The following PSD3 variants were observed in gnomAD, a reference collection of about 807,000 sequenced individuals.
PSD3 encodes pleckstrin and Sec7 domain containing 3, also known as PH and SEC7 domain-containing protein 3.
A neutral mutation model predicts 105.5 loss-of-function variants in PSD3; 49 were observed. That is an observed-to-expected ratio of 0.46 (90% CI 0.37 to 0.59). The LOEUF (loss-of-function observed/expected upper bound fraction) is 0.59. PSD3 is among the 20% of genes least tolerant of loss of function. The probability of loss-of-function intolerance (pLI) is 0.00; values close to 1 mark genes in which losing one functional copy is unlikely to be tolerated. For synonymous variants in PSD3, 557 were observed against 457.8 expected, an observed-to-expected ratio of 1.22 and a Z score of -2.77; for missense variants, 1,561 against 1,263.8, an observed-to-expected ratio of 1.24 and a Z score of -3.57.
At chr8:18,705,534 C>CAAAAAA (rs34331384) in intron 9 of PSD3, among the ~76,000 whole-genome samples, 13 of 88,424 alleles carry the variant, frequency 1.5e-4, no homozygotes, top group African/African-American at 5.1e-4. Flanking sequence ...CTGTCTCAAG[C>CAAAAAA]AAAAAAAAAA....
chr8:18,783,268 A>G (rs187944968), intron 8 of PSD3, among the ~76,000 whole-genome samples: 1 of 152,272 alleles, frequency 6.6e-6, no homozygotes, highest in East Asian at 1.9e-4. Flanking sequence ...GCTGTTGACA[A>G]TATTCACTTA....
At chr8:18,688,900 A>G (rs1263126704) in intron 9 of PSD3, among the ~76,000 whole-genome samples, 1 of 152,252 alleles carries the variant, frequency 6.6e-6, no homozygotes, top group Admixed American at 6.5e-5. Context: ...AAGGTACAAA[A>G]TAACTTTCCA....
At chr8:18,557,059 C>T (rs1342583119) in intron 14 of PSD3, among the ~76,000 whole-genome samples, 1 of 152,178 alleles carries the variant, frequency 6.6e-6, no homozygotes, top group Non-Finnish European at 1.5e-5. Flanking sequence ...AAAGGATTTC[C>T]ATTCTAAGGG....
chr8:18,676,879 C>G (rs1800093338), intron 9 of PSD3, among the ~76,000 whole-genome samples: 1 of 152,242 alleles, frequency 6.6e-6, no homozygotes, highest in South Asian at 2.1e-4. Context: ...GATTTGAAAG[C>G]CTCATCTGGG....
intron 1 of PSD3, among the ~76,000 whole-genome samples, chr8:18,964,009 C>G (rs1394279964): frequency 1.3e-5 from 2 of 152,192 alleles, no homozygotes; most frequent in African/African-American, 4.8e-5. Flanking sequence ...GAAGACAGCG[C>G]ACACATGCAT....
At chr8:18,750,040 G>A (rs1289609768) in intron 9 of PSD3, among the ~76,000 whole-genome samples, 8 of 152,166 alleles carry the variant, frequency 5.3e-5, no homozygotes, top group African/African-American at 9.7e-5. Flanking sequence ...CCCACAGAAC[G>A]ATGAGATAAT....
intron 4 of PSD3, among the ~76,000 whole-genome samples, chr8:18,864,420 G>A (rs1243581697): frequency 1.3e-5 from 2 of 152,136 alleles, no homozygotes; most frequent in African/African-American, 4.8e-5. Flanking sequence ...AAACCTATGG[G>A]CCACATATGA....
chr8:18,943,174 C>T (rs186557116), intron 1 of PSD3, among the ~76,000 whole-genome samples: 1 of 152,304 alleles, frequency 6.6e-6, no homozygotes, highest in Admixed American at 6.5e-5. Flanking sequence ...GTGAAAAAGA[C>T]TCTTGTTCAC....
At chr8:18,543,183 G>A (rs1461373881) in intron 15 of PSD3, among the ~76,000 whole-genome samples, 1 of 151,988 alleles carries the variant, frequency 6.6e-6, no homozygotes, top group Non-Finnish European at 1.5e-5. Context: ...TGACCACCAA[G>A]AGCCAAAGGC....
At chr8:18,963,250 G>A (rs568460924) in intron 1 of PSD3, among the ~76,000 whole-genome samples, 1 of 152,120 alleles carries the variant, frequency 6.6e-6, no homozygotes, top group Admixed American at 6.5e-5. Flanking sequence ...GGAATTATGG[G>A]CATACAATTC....
chr8:18,620,292 C>G (rs1480603254), intron 11 of PSD3, among the ~76,000 whole-genome samples: 1 of 151,164 alleles, frequency 6.6e-6, no homozygotes, highest in African/African-American at 2.4e-5. Flanking sequence ...TAAAACCAAA[C>G]TGTAACCTGA....
intron 1 of PSD3, among the ~76,000 whole-genome samples, chr8:18,988,215 CAT>C (rs1825607109): frequency 6.6e-6 from 1 of 152,046 alleles, no homozygotes; most frequent in Admixed American, 6.5e-5. Context: ...ATACATAAAA[CAT>C]GTGAGTCCTT....
intron 1 of PSD3, among the ~76,000 whole-genome samples, chr8:19,012,736 G>C (rs760591222): frequency 1.2e-4 from 18 of 152,120 alleles, no homozygotes; most frequent in Non-Finnish European, 2.2e-4. Flanking sequence ...TGAGGCATTT[G>C]TTGCCAGAAT....
intron 9 of PSD3, among the ~76,000 whole-genome samples, chr8:18,664,511 G>A (rs758155300): frequency 8.5e-5 from 13 of 152,170 alleles, no homozygotes; most frequent in East Asian, 5.8e-4. Context: ...AACAGATGTC[G>A]GTTCGTGAGG....
rs573497723 is a variant in PSD3, at chr8:18,555,358, G to C, written c.2928+851C>G. Among the ~76,000 whole-genome samples, 5 of 151,748 alleles carry C rather than the reference G, an allele frequency of 3.3e-5. No individual in the cohort carries two copies. The South Asian group carries it at 8.4e-4, about 25-fold the overall frequency. On this transcript the variant is annotated intron_variant, in intron 15 of 15. Transcript: ENST00000327040. The stretch of plus-strand genomic sequence containing the variant: ...TGAAAACAAAGGAGAGGAACAATGA[G>C]AAGTAAAAGGGGCCAGAGCTACAAT...
At chr8:18,803,123 TA>T (rs1810857976) in intron 6 of PSD3, 3 of 205,370 alleles carry the variant, frequency 1.5e-5, no homozygotes, top group African/African-American at 4.8e-5. Context: ...TCATCTCTAC[TA>T]AAAATACAAA....
intron 1 of PSD3, among the ~76,000 whole-genome samples, chr8:19,010,541 C>A (rs1054548635): frequency 6.6e-6 from 1 of 152,066 alleles, no homozygotes; most frequent in Admixed American, 6.5e-5. Flanking sequence ...GCAAATTATC[C>A]TTTTTCTCCA....
intron 4 of PSD3, among the ~76,000 whole-genome samples, chr8:18,831,780 C>T (rs1259195872): frequency 6.6e-6 from 1 of 152,012 alleles, no homozygotes. Flanking sequence ...CAGGTTCCCT[C>T]ATGAAGACAT....
At chr8:19,053,203 C>T (rs565449391) in intron 1 of PSD3, among the ~76,000 whole-genome samples, 145 of 152,080 alleles carry the variant, frequency 9.5e-4, no homozygotes, top group African/African-American at 3.3e-3. Flanking sequence ...GGGTCTATGG[C>T]GCACAGGGGA....
Sources: gnomAD v4.1 joint callset for allele counts (sites outside exome capture counted in the v4.1 genomes callset) on GRCh38, gnomAD v4.1.1 for gene constraint, MANE v1.5 for transcripts, NCBI Gene and HGNC (gene_info 2026-07-23, HGNC 2026-07-21) for gene names.